The following PATJ variants were observed in gnomAD, a reference collection of about 807,000 sequenced individuals.
PATJ encodes the protein inaD-like protein.
A neutral mutation model predicts 224.9 loss-of-function variants in PATJ; 190 were observed. The ratio of observed to expected loss-of-function variants is 0.84; its 90% CI spans 0.75 to 0.95. PATJ has a LOEUF of 0.95. PATJ is among the 40% of genes least tolerant of loss of function. The pLI, the probability that PATJ is intolerant of heterozygous loss-of-function variation, is 0.00. For missense variants in PATJ, 2,121 were observed against 2,270.3 expected (o/e 0.93, Z 1.34); for synonymous variants, 769 against 820.3 (o/e 0.94, Z 1.07).
chr1:61,796,923 A>G (rs781356060), intron 10 of PATJ, among the ~76,000 whole-genome samples: 12 of 150,050 alleles, frequency 8.0e-5, no homozygotes, highest in African/African-American at 3.0e-4. Context: ...CTGGAGTGCA[A>G]TAGCACAATC....
intron 4 of PATJ, 111 bp from the exon 5 acceptor site, chr1:61,769,172 A>T: frequency 1.1e-6 from 1 of 933,636 alleles, no homozygotes; most frequent in Non-Finnish European, 1.6e-6. Flanking sequence ...TGCTGAGTTT[A>T]TGTGGTTCTT....
chr1:62,044,725 AT>A (rs895254875), intron 30 of PATJ, among the ~76,000 whole-genome samples: 55 of 152,302 alleles, frequency 3.6e-4, no homozygotes, highest in African/African-American at 1.3e-3. Flanking sequence ...CATAATTTCC[AT>A]TTTATTTTAA....
At chr1:61,753,309 C>T (rs1319848327) in intron 1 of PATJ, among the ~76,000 whole-genome samples, 3 of 152,028 alleles carry the variant, frequency 2.0e-5, no homozygotes, top group Non-Finnish European at 2.9e-5. Context: ...CTAATTGTGA[C>T]CTTCCCAATT....
rs34267345 is a variant in PATJ at position 61,965,121 on chromosome 1, C to CAAAAAAAAA, written c.3671-25015_3671-25007dup. Among the ~76,000 whole-genome samples the CAAAAAAAAA allele has an allele frequency of 3.0e-3, 164 of 54,370 alleles. 35 individuals carry two copies. The highest frequency in any genetic ancestry group is 4.2e-3 in the East Asian group (2 of 478). The allele number at this position is 54,370 out of a possible 152,430, so 35.7% of individuals were successfully genotyped here. ...TGGGCCACTGAAGGAGACTCTGTCTCAAAAAAAAAAAAAAAAAAAAAAAAA... is the reference window on the plus strand; with the variant it reads ...TGGGCCACTGAAGGAGACTCTGTCTCAAAAAAAAAAAAAAAAAAAAAAAAAAAAAAAAAA... On this transcript the variant is annotated intron_variant, in intron 27 of 43. Transcript: ENST00000642238.
intron 32 of PATJ, among the ~76,000 whole-genome samples, chr1:62,080,484 A>G (rs552876082): frequency 6.6e-6 from 1 of 152,154 alleles, no homozygotes; most frequent in South Asian, 2.1e-4. Flanking sequence ...GGTGCTCACC[A>G]CCATGCCCGG....
rs1438816145 is a variant in PATJ, at chr1:61,929,986, A to C, written c.3670+2157A>C. ...AGCTCATATGCACAGGCACATATAC[A>C]CGGCAGCAGTGGGGTCAGGAAGGAG... is the stretch of plus-strand genomic sequence containing the variant. On this transcript the variant is annotated intron_variant, in intron 27 of 43. Transcript: ENST00000642238. Among the ~76,000 whole-genome samples the C allele has an allele frequency of 1.1e-4, 16 of 152,350 alleles. No homozygotes were observed. The East Asian group carries it at 2.1e-3, about 20-fold the overall frequency.
chr1:61,813,006 T>C (rs533488944), intron 14 of PATJ, among the ~76,000 whole-genome samples: 1 of 151,938 alleles, frequency 6.6e-6, no homozygotes, highest in East Asian at 1.9e-4. Flanking sequence ...GTTTCCTGAT[T>C]AGCTTTTTAG....
intron 1 of PATJ, among the ~76,000 whole-genome samples, chr1:61,755,458 A>G (rs1645587889): frequency 6.6e-6 from 1 of 152,192 alleles, no homozygotes; most frequent in South Asian, 2.1e-4. Flanking sequence ...ATTGAGATAC[A>G]TGGCCAACAC....
intron 7 of PATJ, among the ~76,000 whole-genome samples, chr1:61,777,106 G>A (rs1480871270): frequency 6.6e-6 from 1 of 152,106 alleles, no homozygotes; most frequent in African/African-American, 2.4e-5. Context: ...CCAGACTTGG[G>A]TATTTGGAAG....
intron 17 of PATJ, among the ~76,000 whole-genome samples, chr1:61,838,605 C>T (rs1044581713): frequency 6.7e-6 from 1 of 149,394 alleles, no homozygotes; most frequent in East Asian, 2.0e-4. Flanking sequence ...CTCCTGACCT[C>T]GTGATCCACC....
intron 1 of PATJ, among the ~76,000 whole-genome samples, chr1:61,746,931 T>C (rs74076163): frequency 0.013 from 2,039 of 152,370 alleles, 55 homozygotes; most frequent in African/African-American, 0.046. Context: ...CTTGTGATTC[T>C]GAGACAATGA....
At chr1:62,045,175 C>T (rs1038435367) in intron 30 of PATJ, among the ~76,000 whole-genome samples, 7 of 151,464 alleles carry the variant, frequency 4.6e-5, no homozygotes, top group Non-Finnish European at 1.0e-4. Flanking sequence ...GAGCTGAGAT[C>T]GTGCCATTGC....
chr1:62,117,433 G>T, intron 37 of PATJ: 4 of 1,362,548 alleles, frequency 2.9e-6, no homozygotes, highest in Non-Finnish European at 3.8e-6. Flanking sequence ...GCTTGCAAAT[G>T]TTTTCTTGGA....
intron 27 of PATJ, among the ~76,000 whole-genome samples, chr1:61,988,827 A>G (rs1644907387): frequency 6.6e-6 from 1 of 152,068 alleles, no homozygotes; most frequent in Admixed American, 6.6e-5. Flanking sequence ...CTTCTTCCCC[A>G]CTCTACCTTA....
At chr1:61,807,738 T>C (rs1211069757) in intron 13 of PATJ, among the ~76,000 whole-genome samples, 1 of 152,242 alleles carries the variant, frequency 6.6e-6, no homozygotes, top group Non-Finnish European at 1.5e-5. Flanking sequence ...TCTGCTTATC[T>C]GAAATGCAGT....
intron 20 of PATJ, among the ~76,000 whole-genome samples, 170 bp from the exon 21 acceptor site, chr1:61,875,073 G>C (rs1377357359): frequency 6.6e-6 from 1 of 152,200 alleles, no homozygotes; most frequent in Non-Finnish European, 1.5e-5. Context: ...TACTCTTGCA[G>C]ATATTGTTAC....
At chr1:61,872,910 C>T (rs1666836629) in intron 20 of PATJ, among the ~76,000 whole-genome samples, 1 of 152,202 alleles carries the variant, frequency 6.6e-6, no homozygotes, top group Admixed American at 6.5e-5. Context: ...CCTTGCCCAG[C>T]ATTACCAAAT....
chr1:62,102,859 CAAAAAA>C (rs1162014751), intron 33 of PATJ, among the ~76,000 whole-genome samples: 1 of 47,008 alleles, frequency 2.1e-5, no homozygotes, highest in African/African-American at 7.1e-5. Context: ...TACCCTGTCT[CAAAAAA>C]AAAAAAAAAA....
chr1:62,153,749 C>T (rs920656684), intron 43 of PATJ, among the ~76,000 whole-genome samples: 1 of 152,100 alleles, frequency 6.6e-6, no homozygotes, highest in African/African-American at 2.4e-5. Flanking sequence ...TTCAGCAACA[C>T]AGCATAAGGA....
Sources: allele counts gnomAD v4.1 joint callset (sites outside exome capture counted in the v4.1 genomes callset), GRCh38; gene constraint gnomAD v4.1.1; transcripts MANE v1.5; gene names NCBI Gene and HGNC (gene_info 2026-07-23, HGNC 2026-07-21).